Variants in ACTN4 observed in about 807,000 individuals in gnomAD.
ACTN4 encodes the protein actinin alpha 4.
Under a neutral mutation model 114.2 loss-of-function variants are expected in ACTN4, and 18 were observed. The observed-to-expected ratio is 0.16, with a 90% CI of 0.11 to 0.23. The LOEUF (loss-of-function observed/expected upper bound fraction) is 0.23, where lower values mean the gene tolerates loss of function less well. Among genes scored for constraint, ACTN4 ranks in the 10% least tolerant of loss-of-function variants. The pLI, the probability that ACTN4 is intolerant of heterozygous loss-of-function variation, is 1.00. For missense variants in ACTN4, 722 were observed against 1,262.9 expected, an observed-to-expected ratio of 0.57 and a Z score of 6.49; for synonymous variants, 515 against 506.3, an observed-to-expected ratio of 1.02 and a Z score of -0.23.
In ACTN4 at chr19:38,730,575, C is replaced by G. The variant is rs1011228703; in HGVS notation, c.*1143C>G. On this transcript the variant is annotated 3_prime_UTR_variant, in exon 21 of 21. Coordinates refer to ENST00000252699, the MANE Select transcript of ACTN4 (RefSeq NM_004924.6). ...TTTTTATTTCTCCTGTGTCTGTCCT[C>G]CACCTTCTAGGAGAGCCAGGGCAGA... The G allele has an allele frequency of 1.8e-6, 1 of 546,670 alleles. No individual in the cohort carries two copies. Among genetic ancestry groups the G allele is most frequent in the Non-Finnish European group, 3.3e-6 (1 of 306,102 alleles). The allele number at this position is 546,670 out of a possible 1,614,324, so 33.9% of individuals were successfully genotyped here.
rs141002044 is a variant in ACTN4 at position 38,729,376 on chromosome 19, G to A, written c.2680G>A (p.Gly894Ser). Residue 894 changes from glycine (G) to serine (S), a missense_variant, in exon 21 of 21, where the codon GGT becomes AGT. Transcript: ENST00000252699. The part of the protein sequence containing the change: ...APYQGPDAVP[G>S]ALDYKSFSTA... The stretch of plus-strand genomic sequence containing the variant: ...ATACCAGGGCCCTGACGCCGTGCCC[G>A]GTGCCCTCGACTACAAGTCCTTCTC... The A allele has an allele frequency of 1.5e-3, 2,371 of 1,612,686 alleles. 6 individuals carry two copies. The highest frequency in any genetic ancestry group is 5.6e-3 in the Middle Eastern group (34 of 6,082).
intron 8 of ACTN4, 84 bp downstream of exon 8, chr19:38,710,426 T>C (rs2145033434): frequency 6.9e-7 from 1 of 1,442,268 alleles, no homozygotes. Flanking sequence ...TCACCTCATT[T>C]CTCTTGCAGA....
intron 1 of ACTN4, among the ~76,000 whole-genome samples, chr19:38,692,874 C>T (rs117851231): frequency 0.025 from 3,818 of 152,230 alleles, 81 homozygotes; most frequent in Admixed American, 0.06. Flanking sequence ...GGAGGTGGGA[C>T]GGCGCCCTCC....
chr19:38,728,455 C>G (rs1397602741), intron 19 of ACTN4: 2 of 1,040,458 alleles, frequency 1.9e-6, no homozygotes, highest in South Asian at 1.5e-5. Context: ...TCCTCCCCCC[C>G]ACCTCTCCCC....
chr19:38,671,168 G>T (rs778164825), intron 1 of ACTN4, among the ~76,000 whole-genome samples: 3 of 152,142 alleles, frequency 2.0e-5, no homozygotes, highest in Non-Finnish European at 2.9e-5. Context: ...AAAAGGGTTT[G>T]CTTTAGCTGT....
chr19:38,698,476 G>GGGAGACAAGAACTGTT (rs908738862), intron 1 of ACTN4, among the ~76,000 whole-genome samples: 1 of 152,224 alleles, frequency 6.6e-6, no homozygotes, highest in Admixed American at 6.5e-5. Context: ...GTGGGAGGGA[G>GGGAGACAAGAACTGTT]GGAGACAAGA....
At chr19:38,693,311 A>G (rs964812111) in intron 1 of ACTN4, among the ~76,000 whole-genome samples, 1 of 152,178 alleles carries the variant, frequency 6.6e-6, no homozygotes, top group African/African-American at 2.4e-5. Context: ...TCTAGGCCCA[A>G]AGCGACTTTG....
chr19:38,705,567 C>T (rs34332511), intron 4 of ACTN4, among the ~76,000 whole-genome samples: 8,545 of 152,318 alleles, frequency 0.056, 257 homozygotes, highest in South Asian at 0.096. Flanking sequence ...TTCCTGCCCT[C>T]GAAGGGCTCC....
At position 38,728,410 on chromosome 19, in the gene ACTN4, GCTCCTCCTCCTC is replaced by G. The variant is rs371829169; in HGVS notation, c.2418+413_2418+424del. 508 of 771,764 alleles carry G rather than the reference GCTCCTCCTCCTC, an allele frequency of 6.6e-4. 7 individuals are homozygous for G. The highest frequency in any genetic ancestry group is 5.3e-3 in the African/African-American group (211 of 39,500). 47.8% of individuals were successfully genotyped at this position (771,764 alleles called of 1,614,324 possible). A position where few individuals can be genotyped will look rare whatever the true frequency, so the allele number is the denominator to read the frequency against. ...TGCAGCTCTGTCTCCCCAGCCACCC[GCTCCTCCTCCTC>G]CTCCTCCTCCTCCTCCTCCTCCTCC... On this transcript the variant is annotated intron_variant, in intron 19 of 20. Coordinates refer to ENST00000252699, the MANE Select transcript of ACTN4 (RefSeq NM_004924.6).
chr19:38,690,046 A>C (rs1340857833), intron 1 of ACTN4, among the ~76,000 whole-genome samples: 1 of 152,240 alleles, frequency 6.6e-6, no homozygotes, highest in Non-Finnish European at 1.5e-5. Context: ...TTAGGTTAAA[A>C]GCAGGAGGTA....
chr19:38,651,972 G>A (rs1976576003), intron 1 of ACTN4, among the ~76,000 whole-genome samples: 1 of 152,116 alleles, frequency 6.6e-6, no homozygotes, highest in African/African-American at 2.4e-5. Context: ...GACCCCAAGT[G>A]ATCCGCCTGC....
intron 1 of ACTN4, among the ~76,000 whole-genome samples, chr19:38,677,391 A>G (rs978865469): frequency 2.6e-5 from 4 of 152,220 alleles, no homozygotes; most frequent in African/African-American, 9.6e-5. Flanking sequence ...TGGATCTGCC[A>G]CAACACAAAC....
At position 38,722,229 on chromosome 19, in the gene ACTN4, TG is replaced by T. The variant is rs1782902319; in HGVS notation, c.1442+545del. Among the ~76,000 whole-genome samples, 2 of 152,120 alleles carry T rather than the reference TG, an allele frequency of 1.3e-5. 1 individual carries two copies. Among genetic ancestry groups the T allele is most frequent in the Admixed American group, 1.3e-4 (2 of 15,278 alleles). On this transcript the variant is annotated intron_variant, in intron 12 of 20. Transcript: ENST00000252699. Reference sequence around the variant, plus strand: ...GTACGCTGAGGGTCGCGCTGGTGAATGGGGCCTTATTCCACCAGTGCAGCGG... The same window carrying T: ...GTACGCTGAGGGTCGCGCTGGTGAATGGGCCTTATTCCACCAGTGCAGCGG...
At chr19:38,726,818 CCCGTGTCCCCTGTGAGGTGTA>C (rs1969247410) in intron 17 of ACTN4, 118 bp from the exon 18 acceptor site, 4 of 1,306,414 alleles carry the variant, frequency 3.1e-6, no homozygotes, top group Non-Finnish European at 4.2e-6. Context: ...GGCACCATGG[CCCGTGTCCCCTGTGAGGTGTA>C]CAGGAGAGCA....
At chr19:38,679,669 G>T (rs939986234) in intron 1 of ACTN4, among the ~76,000 whole-genome samples, 3 of 151,620 alleles carry the variant, frequency 2.0e-5, no homozygotes, top group African/African-American at 7.3e-5. Context: ...ATAGCTCACT[G>T]CGGCCTCTGA....
At chr19:38,713,409 C>A (rs1280677364) in intron 8 of ACTN4, among the ~76,000 whole-genome samples, 1 of 152,078 alleles carries the variant, frequency 6.6e-6, no homozygotes, top group Non-Finnish European at 1.5e-5. Flanking sequence ...ACCTCTGTGA[C>A]CCCCACAAGC....
At chr19:38,660,788 A>G (rs1976861655) in intron 1 of ACTN4, among the ~76,000 whole-genome samples, 1 of 152,188 alleles carries the variant, frequency 6.6e-6, no homozygotes, top group African/African-American at 2.4e-5. Flanking sequence ...TGCCCCTGTG[A>G]CAGTGCCAGG....
intron 1 of ACTN4, among the ~76,000 whole-genome samples, chr19:38,683,394 C>T (rs1189764403): frequency 6.6e-6 from 1 of 152,250 alleles, no homozygotes; most frequent in African/African-American, 2.4e-5. Flanking sequence ...CTAACCCAGA[C>T]AGGACTTGCT....
chr19:38,710,691 G>C, intron 8 of ACTN4: 1 of 379,574 alleles, frequency 2.6e-6, no homozygotes, highest in Non-Finnish European at 5.1e-6. Flanking sequence ...AGATGGCTGG[G>C]GTGACCTTCA....
Sources: allele counts gnomAD v4.1 joint callset (sites outside exome capture counted in the v4.1 genomes callset), GRCh38; gene constraint gnomAD v4.1.1; transcripts MANE v1.5; gene names NCBI Gene and HGNC (gene_info 2026-07-23, HGNC 2026-07-21).